ADAM23: variants seen among roughly 807,000 people sequenced by gnomAD.
ADAM23 encodes ADAM metallopeptidase domain 23, also known as disintegrin and metalloproteinase domain-containing protein 23.
In ADAM23, 33 loss-of-function variants were observed where a neutral mutation model predicts 120.1. The observed-to-expected ratio is 0.27, with a 90% CI of 0.21 to 0.37. ADAM23 has a LOEUF of 0.37. Ranked by LOEUF, ADAM23 falls within the 10% of genes least tolerant of loss-of-function variation. The probability of loss-of-function intolerance (pLI) is 1.00; values close to 1 mark genes in which losing one functional copy is unlikely to be tolerated. For synonymous variants in ADAM23, 367 were observed against 375.2 expected (o/e 0.98, Z 0.25); for missense variants, 862 against 1,058.2 (o/e 0.81, Z 2.57).
intron 3 of ADAM23, among the ~76,000 whole-genome samples, chr2:206,507,770 T>A (rs73054231): frequency 1.3e-5 from 2 of 152,168 alleles, no homozygotes; most frequent in Non-Finnish European, 2.9e-5. Flanking sequence ...CTCACTGATA[T>A]AAAAATGCAA....
At chr2:206,548,091 G>A (rs1234648354) in intron 7 of ADAM23, among the ~76,000 whole-genome samples, 190 bp from the exon 8 acceptor site, 1 of 152,132 alleles carries the variant, frequency 6.6e-6, no homozygotes, top group East Asian at 1.9e-4. Flanking sequence ...TTTTCTTGAT[G>A]TTTGGGACAA....
In ADAM23 at chr2:206,499,550, T is replaced by G. The variant is rs1163831249; in HGVS notation, c.509+18242T>G. On this transcript the variant is annotated intron_variant, in intron 3 of 25. Transcript: ENST00000264377. Reference sequence around the variant, plus strand: ...ATATACCTAATGCTAAATGACGAGTTAATGGGTGCAGCAAACCAACATGGC... The same window carrying G: ...ATATACCTAATGCTAAATGACGAGTGAATGGGTGCAGCAAACCAACATGGC... Among the ~76,000 whole-genome samples the G allele has an allele frequency of 1.8e-3, 278 of 150,974 alleles. 7 individuals are homozygous for G. Among genetic ancestry groups the G allele is most frequent in the Non-Finnish European group, 5.2e-4 (35 of 67,768 alleles).
intron 4 of ADAM23, among the ~76,000 whole-genome samples, chr2:206,531,504 G>A (rs759845): frequency 0.63 from 95,130 of 152,016 alleles, 30,154 homozygotes; most frequent in African/African-American, 0.69. Context: ...GGGTACTTGG[G>A]TATCTGATTC....
At chr2:206,563,417 A>G (rs1055937846) in intron 13 of ADAM23, among the ~76,000 whole-genome samples, 3 of 152,242 alleles carry the variant, frequency 2.0e-5, no homozygotes, top group Non-Finnish European at 4.4e-5. Context: ...TAAGATAGTC[A>G]TCACAAGTGT....
At chr2:206,605,816 G>C (rs1260737135) in intron 24 of ADAM23, 1 of 701,578 alleles carries the variant, frequency 1.4e-6, no homozygotes, top group African/African-American at 1.8e-5. Context: ...CAGGCTAATA[G>C]GGGCCGTGGC....
intron 2 of ADAM23, among the ~76,000 whole-genome samples, chr2:206,469,904 A>G (rs185908899): frequency 7.2e-5 from 11 of 152,300 alleles, no homozygotes; most frequent in African/African-American, 1.4e-4. Context: ...TCTTTGCTCA[A>G]ATATCAGCTT....
At chr2:206,493,921 C>G (rs1696183877) in intron 3 of ADAM23, among the ~76,000 whole-genome samples, 1 of 152,158 alleles carries the variant, frequency 6.6e-6, no homozygotes, top group Non-Finnish European at 1.5e-5. Context: ...GATTATATCT[C>G]TTGTAAATCT....
At chr2:206,499,028 A>C (rs944268010) in intron 3 of ADAM23, among the ~76,000 whole-genome samples, 2 of 152,106 alleles carry the variant, frequency 1.3e-5, no homozygotes, top group Non-Finnish European at 2.9e-5. Context: ...AGAAATAGGA[A>C]CACTTTTACA....
At chr2:206,558,337 G>A (rs559356763) in intron 10 of ADAM23, among the ~76,000 whole-genome samples, 50 of 151,830 alleles carry the variant, frequency 3.3e-4, no homozygotes, top group Non-Finnish European at 6.0e-4. Context: ...TCTTAAATGC[G>A]AAAAAAACCC....
intron 3 of ADAM23, among the ~76,000 whole-genome samples, chr2:206,494,382 G>A (rs1396065336): frequency 6.6e-6 from 1 of 152,138 alleles, no homozygotes; most frequent in East Asian, 1.9e-4. Context: ...GCTGTTCAGT[G>A]GTAAAGGGTT....
intron 2 of ADAM23, among the ~76,000 whole-genome samples, chr2:206,449,364 C>T (rs1695145158): frequency 6.6e-6 from 1 of 152,196 alleles, no homozygotes; most frequent in Non-Finnish European, 1.5e-5. Flanking sequence ...ATGGACCATA[C>T]ATTTTAAAAG....
intron 18 of ADAM23, among the ~76,000 whole-genome samples, chr2:206,578,037 GT>G (rs1276874270): frequency 1.3e-5 from 2 of 152,168 alleles, no homozygotes; most frequent in Admixed American, 1.3e-4. Context: ...TTTTTCATGT[GT>G]TTTTTGGCTG....
chr2:206,450,005 T>C (rs1299107037), intron 2 of ADAM23, among the ~76,000 whole-genome samples: 1 of 152,208 alleles, frequency 6.6e-6, no homozygotes, highest in East Asian at 1.9e-4. Flanking sequence ...TTGGTGATTA[T>C]TTTTGTTTCC....
At chr2:206,510,025 T>C (rs1173545408) in intron 3 of ADAM23, among the ~76,000 whole-genome samples, 1 of 152,232 alleles carries the variant, frequency 6.6e-6, no homozygotes, top group Non-Finnish European at 1.5e-5. Context: ...CCCAATTGAC[T>C]GCAGTTAGTC....
chr2:206,590,815 A>G (rs1698411942), intron 21 of ADAM23, among the ~76,000 whole-genome samples: 1 of 152,228 alleles, frequency 6.6e-6, no homozygotes, highest in Non-Finnish European at 1.5e-5. Flanking sequence ...GGGAGCCTGA[A>G]GTAGTCAAAA....
chr2:206,518,421 A>C (rs1472093427), intron 3 of ADAM23, among the ~76,000 whole-genome samples: 3 of 152,208 alleles, frequency 2.0e-5, no homozygotes, highest in Non-Finnish European at 4.4e-5. Context: ...AATTGTCATC[A>C]AATTTGCTTA....
intron 4 of ADAM23, among the ~76,000 whole-genome samples, chr2:206,532,038 TA>T (rs897159398): frequency 6.6e-6 from 1 of 152,200 alleles, no homozygotes; most frequent in African/African-American, 2.4e-5. Flanking sequence ...TCATTCTTAT[TA>T]GTTGTCAGTT....
Position 206,497,271 on chromosome 2 carries a change from G to A in ADAM23, c.509+15963G>A, listed in dbSNP as rs538985774. 1.3e-4 allele frequency among the ~76,000 whole-genome samples: 20 copies of A among 152,206 alleles called. 1 individual carries two copies. The South Asian group carries it at 3.9e-3, about 30-fold the overall frequency. ...ATCCTCAGTAAAATACTGGCAAACCGAATCCAGCAACACATCAAAAAGCTT... is the reference window on the plus strand; with the variant it reads ...ATCCTCAGTAAAATACTGGCAAACCAAATCCAGCAACACATCAAAAAGCTT... On this transcript the variant is annotated intron_variant, in intron 3 of 25. Transcript: ENST00000264377.
chr2:206,467,036 T>A (rs918714141), intron 2 of ADAM23, among the ~76,000 whole-genome samples: 2 of 152,202 alleles, frequency 1.3e-5, no homozygotes, highest in African/African-American at 4.8e-5. Context: ...TGTTAAACCA[T>A]GGAAAACCGC....
Sources: gnomAD v4.1 joint callset for allele counts (sites outside exome capture counted in the v4.1 genomes callset) on GRCh38, gnomAD v4.1.1 for gene constraint, MANE v1.5 for transcripts, NCBI Gene and HGNC (gene_info 2026-07-23, HGNC 2026-07-21) for gene names.